The following SRGAP2 variants were observed in gnomAD, a reference collection of about 807,000 sequenced individuals.
The protein encoded by SRGAP2 is SLIT-ROBO Rho GTPase-activating protein 2.
In SRGAP2, 15 loss-of-function variants were observed where a neutral mutation model predicts 57.2. The observed-to-expected ratio is 0.26, with a 90% confidence interval of 0.18 to 0.40. The LOEUF (loss-of-function observed/expected upper bound fraction) is 0.40. Among genes scored for constraint, SRGAP2 ranks in the 10% least tolerant of loss-of-function variants. The pLI, the probability that SRGAP2 is intolerant of heterozygous loss-of-function variation, is 1.00. For missense variants in SRGAP2, 520 were observed against 669.6 expected, an observed-to-expected ratio of 0.78 and a Z score of 2.47; for synonymous variants, 249 against 248.0, an observed-to-expected ratio of 1.00 and a Z score of -0.04.
chr1:206,417,625 G>A (rs1659853246), intron 11 of SRGAP2, among the ~76,000 whole-genome samples: 1 of 151,356 alleles, frequency 6.6e-6, no homozygotes, highest in Non-Finnish European at 1.5e-5. Context: ...TCACCATCTG[G>A]GCCAGGCTGG....
chr1:206,409,549 A>G (rs1658995707), intron 10 of SRGAP2, among the ~76,000 whole-genome samples: 1 of 152,176 alleles, frequency 6.6e-6, no homozygotes, highest in African/African-American at 2.4e-5. Flanking sequence ...TGGGAGCCTG[A>G]AGCGGGTGGG....
intron 5 of SRGAP2, among the ~76,000 whole-genome samples, chr1:206,389,314 A>G (rs1208453591): frequency 2.0e-5 from 3 of 150,544 alleles, no homozygotes; most frequent in African/African-American, 4.9e-5. Context: ...AGCTGGGACT[A>G]CAGGCACCCG....
At chr1:206,377,192 C>T (rs1490748272) in intron 4 of SRGAP2, among the ~76,000 whole-genome samples, 17 of 152,096 alleles carry the variant, frequency 1.1e-4, no homozygotes, top group Non-Finnish European at 2.2e-4. Flanking sequence ...AATCCTGAAA[C>T]AAGTATTGGG....
intron 2 of SRGAP2, among the ~76,000 whole-genome samples, chr1:206,259,688 TTTG>T (rs1293815310): frequency 6.6e-6 from 1 of 151,814 alleles, no homozygotes; most frequent in African/African-American, 2.4e-5. Flanking sequence ...TTCTTGGTGT[TTTG>T]TTAGAGCAAG....
At chr1:206,207,354 C>CT (rs1253663441) in intron 2 of SRGAP2, 4 of 150,044 alleles carry the variant, frequency 2.7e-5, no homozygotes, top group African/African-American at 9.8e-5. Context: ...TTGGTCAGTG[C>CT]TGGAGGTGCC....
intron 10 of SRGAP2, among the ~76,000 whole-genome samples, chr1:206,409,873 C>T (rs1272491073): frequency 2.7e-5 from 4 of 149,766 alleles, no homozygotes; most frequent in Non-Finnish European, 4.4e-5. Flanking sequence ...CCGAGGCAGG[C>T]GGATCACCTG....
At chr1:206,306,371 C>T (rs1672198389) in intron 3 of SRGAP2, among the ~76,000 whole-genome samples, 2 of 151,766 alleles carry the variant, frequency 1.3e-5, no homozygotes, top group African/African-American at 2.4e-5. Context: ...TAAGGCAGCG[C>T]GTCTGGAGTT....
chr1:206,206,193 A>C (rs1436381216), intron 2 of SRGAP2, 156 bp downstream of exon 2: 6 of 543,264 alleles, frequency 1.1e-5, no homozygotes, highest in Admixed American at 3.2e-5. Context: ...GAACCTCCAA[A>C]GGATGGGCAA....
In SRGAP2 at chr1:206,373,794, C is replaced by T. The variant is rs1362159103; in HGVS notation, c.424-10220C>T. ...CTAAGTTTCCAGGAAGAAATATATA[C>T]TTAATAACATAGGCTTAAAATATGT... On this transcript the variant is annotated intron_variant, in intron 4 of 22. Coordinates refer to ENST00000573034, the MANE Select transcript of SRGAP2 (RefSeq NM_015326.5). 3.2e-5 allele frequency among the ~76,000 whole-genome samples: 4 copies of T among 126,332 alleles called. No individual in the cohort carries two copies. The East Asian group carries it at 9.4e-4, about 30-fold the overall frequency. 82.9% of individuals were successfully genotyped at this position (126,332 alleles called of 152,430 possible).
At chr1:206,452,549 G>A (rs1389908902) in intron 19 of SRGAP2, among the ~76,000 whole-genome samples, 1 of 152,150 alleles carries the variant, frequency 6.6e-6, no homozygotes, top group African/African-American at 2.4e-5. Flanking sequence ...GATGATAGAC[G>A]TCAAGGCATG....
chr1:206,455,243 G>A (rs375827001), intron 21 of SRGAP2: 53 of 593,168 alleles, frequency 8.9e-5, no homozygotes, highest in South Asian at 6.1e-4. Flanking sequence ...AGCTGCCCTC[G>A]TGCTGTGGAA....
At chr1:206,385,839 A>G (rs1553348316) in intron 5 of SRGAP2, among the ~76,000 whole-genome samples, 6 of 152,154 alleles carry the variant, frequency 3.9e-5, no homozygotes, top group Non-Finnish European at 1.5e-5. Flanking sequence ...ATAGAGCATA[A>G]CATCTTCCCA....
At chr1:206,410,696 TTA>T (rs1659141665) in intron 10 of SRGAP2, among the ~76,000 whole-genome samples, 1 of 152,244 alleles carries the variant, frequency 6.6e-6, no homozygotes, top group South Asian at 2.1e-4. Flanking sequence ...GATCTTATTT[TTA>T]TGTTAGTCCC....
intron 10 of SRGAP2, among the ~76,000 whole-genome samples, chr1:206,410,631 A>G (rs1414025659): frequency 1.3e-5 from 2 of 152,226 alleles, no homozygotes; most frequent in African/African-American, 2.4e-5. Context: ...ATGGAAGTAG[A>G]TATAGAAGTA....
intron 1 of SRGAP2, chr1:206,204,910 C>G (rs1449075428): frequency 2.2e-5 from 3 of 134,880 alleles, no homozygotes; most frequent in Admixed American, 7.0e-5. Flanking sequence ...CAGATTTGCC[C>G]CCCCCCCCAT....
At chr1:206,403,052 C>T (rs2580572) in intron 8 of SRGAP2, among the ~76,000 whole-genome samples, 5 of 151,306 alleles carry the variant, frequency 3.3e-5, no homozygotes, top group South Asian at 2.1e-4. Flanking sequence ...GAGAGTGAGA[C>T]GCTGTCCTGG....
chr1:206,447,841 G>C (rs1265192031), intron 18 of SRGAP2, among the ~76,000 whole-genome samples: 1 of 152,250 alleles, frequency 6.6e-6, no homozygotes, highest in East Asian at 1.9e-4. Context: ...CAGTGGGTCA[G>C]AGTCCTGGAG....
rs1553370624 is a variant in SRGAP2 at position 206,437,961 on chromosome 1, C to T, written c.1634-3C>T. 3.8e-6 allele frequency: 3 copies of T among 780,576 alleles called. No homozygotes were observed. The highest frequency in any genetic ancestry group is 1.3e-5 in the South Asian group (1 of 74,612). The allele number at this position is 780,576 out of a possible 1,614,324, so 48.4% of individuals were successfully genotyped here. ...CCTTTTCGTGGGGGTTGCTTATCCTCAGGAGAGGACCCCCTGGCTGGGGAC... is the reference window on the plus strand; with the variant it reads ...CCTTTTCGTGGGGGTTGCTTATCCTTAGGAGAGGACCCCCTGGCTGGGGAC... On this transcript the variant is annotated splice_region_variant and splice_polypyrimidine_tract_variant and intron_variant, in intron 15 of 22. Transcript: ENST00000573034.
At chr1:206,249,351 A>G (rs1279756762) in intron 2 of SRGAP2, among the ~76,000 whole-genome samples, 3 of 152,208 alleles carry the variant, frequency 2.0e-5, no homozygotes, top group Non-Finnish European at 4.4e-5. Context: ...CCAAATGCCC[A>G]TCAATGATAG....
Sources: gnomAD v4.1 joint callset for allele counts (sites outside exome capture counted in the v4.1 genomes callset) on GRCh38, gnomAD v4.1.1 for gene constraint, MANE v1.5 for transcripts, NCBI Gene and HGNC (gene_info 2026-07-23, HGNC 2026-07-21) for gene names.